NAALADL2: variants seen among roughly 807,000 people sequenced by gnomAD.
The protein encoded by NAALADL2 is N-acetylated alpha-linked acidic dipeptidase like 2.
In NAALADL2, 76 loss-of-function variants were observed where a neutral mutation model predicts 87.2. The observed-to-expected ratio is 0.87, with a 90% CI of 0.72 to 1.05. NAALADL2 has a LOEUF of 1.05. Among genes scored for constraint, NAALADL2 ranks in the 50% least tolerant of loss-of-function variants. NAALADL2 has a pLI of 0.00. For missense variants in NAALADL2, 1,089 were observed against 945.8 expected (o/e 1.15, Z -1.99); for synonymous variants, 354 against 331.0 (o/e 1.07, Z -0.75).
intron 3 of NAALADL2, among the ~76,000 whole-genome samples, chr3:174,845,249 C>A (rs1299688714): frequency 6.6e-6 from 1 of 152,132 alleles, no homozygotes; most frequent in Admixed American, 6.5e-5. Flanking sequence ...TGCTGGCAGG[C>A]AAATGAGAGC....
chr3:175,048,281 C>T (rs1754921730), intron 1 of NAALADL2, among the ~76,000 whole-genome samples: 1 of 151,876 alleles, frequency 6.6e-6, no homozygotes, highest in Non-Finnish European at 1.5e-5. Context: ...CAAGTTTATA[C>T]CTATTGTGGA....
chr3:175,511,586 T>C (rs1456514977), intron 9 of NAALADL2, among the ~76,000 whole-genome samples: 1 of 152,196 alleles, frequency 6.6e-6, no homozygotes. Flanking sequence ...TACATTTCTG[T>C]TGTTTAAGCC....
At chr3:175,075,517 A>T (rs1178285591) in intron 1 of NAALADL2, among the ~76,000 whole-genome samples, 1 of 152,166 alleles carries the variant, frequency 6.6e-6, no homozygotes, top group East Asian at 1.9e-4. Context: ...ATAGTGATGC[A>T]ATTTTCATTA....
intron 2 of NAALADL2, among the ~76,000 whole-genome samples, chr3:174,591,060 G>C (rs1717310203): frequency 6.6e-6 from 1 of 152,202 alleles, no homozygotes; most frequent in African/African-American, 2.4e-5. Flanking sequence ...TTCAAGAGGG[G>C]ACCCCCTGAT....
At chr3:174,456,214 C>A (rs193118390) in intron 1 of NAALADL2, among the ~76,000 whole-genome samples, 58 of 152,008 alleles carry the variant, frequency 3.8e-4, no homozygotes, top group African/African-American at 1.2e-3. Flanking sequence ...TCAGAGATGA[C>A]ACAAACAATA....
intron 3 of NAALADL2, among the ~76,000 whole-genome samples, chr3:174,816,575 A>T (rs1360044041): frequency 6.7e-6 from 1 of 149,720 alleles, no homozygotes; most frequent in East Asian, 1.9e-4. Context: ...CATATATATA[A>T]ATTATTACTT....
At chr3:174,703,438 A>C (rs1441016119) in intron 2 of NAALADL2, among the ~76,000 whole-genome samples, 1 of 152,078 alleles carries the variant, frequency 6.6e-6, no homozygotes, top group Non-Finnish European at 1.5e-5. Flanking sequence ...GAAGAGCAAG[A>C]AAATGCCGCG....
intron 6 of NAALADL2, among the ~76,000 whole-genome samples, chr3:175,459,261 A>T (rs553357063): frequency 2.0e-4 from 31 of 152,266 alleles, no homozygotes; most frequent in East Asian, 1.4e-3. Context: ...AAAACATTTT[A>T]AAAAATGAGA....
At chr3:174,536,389 G>GA (rs1721727274) in intron 1 of NAALADL2, among the ~76,000 whole-genome samples, 3 of 152,076 alleles carry the variant, frequency 2.0e-5, no homozygotes, top group Non-Finnish European at 4.4e-5. Flanking sequence ...CCTTCTTGTT[G>GA]GGTGAAAGTG....
intron 2 of NAALADL2, among the ~76,000 whole-genome samples, chr3:174,664,736 G>A (rs994371977): frequency 6.6e-6 from 1 of 152,194 alleles, no homozygotes; most frequent in Non-Finnish European, 1.5e-5. Flanking sequence ...TATTCTGGAA[G>A]TGCTGTGCTC....
At chr3:175,006,138 G>C (rs977133017) in intron 1 of NAALADL2, among the ~76,000 whole-genome samples, 1 of 152,046 alleles carries the variant, frequency 6.6e-6, no homozygotes, top group Non-Finnish European at 1.5e-5. Context: ...GACTAGGCCT[G>C]TTTGAGACCT....
chr3:174,617,911 C>T (rs1415027345), intron 2 of NAALADL2, among the ~76,000 whole-genome samples: 1 of 151,586 alleles, frequency 6.6e-6, no homozygotes, highest in Non-Finnish European at 1.5e-5. Flanking sequence ...GATGGGAATA[C>T]ATGGTATGTG....
intron 1 of NAALADL2, among the ~76,000 whole-genome samples, chr3:174,927,929 T>C (rs1215932469): frequency 6.6e-6 from 1 of 151,558 alleles, no homozygotes; most frequent in Non-Finnish European, 1.5e-5. Context: ...AGCTGTTTTT[T>C]TGAAGAGATC....
At chr3:174,521,078 C>A (rs1034932145) in intron 1 of NAALADL2, among the ~76,000 whole-genome samples, 7 of 152,110 alleles carry the variant, frequency 4.6e-5, no homozygotes, top group Non-Finnish European at 8.8e-5. Flanking sequence ...TAAATTAGTA[C>A]AACCTCTGTG....
At chr3:174,831,112 C>G (rs1158638548) in intron 3 of NAALADL2, among the ~76,000 whole-genome samples, 1 of 151,910 alleles carries the variant, frequency 6.6e-6, no homozygotes, top group Non-Finnish European at 1.5e-5. Flanking sequence ...CTTCTCCTGC[C>G]TAACTGCCCT....
At chr3:174,751,770 C>T (rs1166576634) in intron 3 of NAALADL2, among the ~76,000 whole-genome samples, 2 of 151,400 alleles carry the variant, frequency 1.3e-5, no homozygotes, top group Non-Finnish European at 2.9e-5. Flanking sequence ...CTTTCATGTA[C>T]GCTTACATTG....
chr3:174,890,459 G>A lies in NAALADL2; in HGVS notation c.43+31009G>A, dbSNP rs115700092. Among the ~76,000 whole-genome samples the A allele has an allele frequency of 3.9e-3, 590 of 152,178 alleles. 3 individuals carry two copies. The highest frequency in any genetic ancestry group is 7.1e-3 in the Non-Finnish European group (486 of 67,994). Reference sequence around the variant, plus strand: ...CTGTATAAAAGAAATATTTTGATTGGGGAAGCTAAATAATTAACTGTTGAG... The same window carrying A: ...CTGTATAAAAGAAATATTTTGATTGAGGAAGCTAAATAATTAACTGTTGAG... On this transcript the variant is annotated intron_variant, in intron 1 of 13. Coordinates refer to ENST00000454872, the MANE Select transcript of NAALADL2 (RefSeq NM_207015.3).
Position 174,955,967 on chromosome 3 carries a change from T to C in NAALADL2, c.43+96517T>C, listed in dbSNP as rs1377757820. 2.6e-5 allele frequency among the ~76,000 whole-genome samples: 4 copies of C among 152,182 alleles called. No individual in the cohort carries two copies. In the East Asian group the frequency reaches 7.7e-4, roughly 29 times the overall value. ...GGGTGTTGGTGCCAATCTTATTGGATTGGTTTAAATACTCTCTTTTGTAAT... is the reference window on the plus strand; with the variant it reads ...GGGTGTTGGTGCCAATCTTATTGGACTGGTTTAAATACTCTCTTTTGTAAT... On this transcript the variant is annotated intron_variant, in intron 1 of 13. Coordinates refer to ENST00000454872, the MANE Select transcript of NAALADL2 (RefSeq NM_207015.3).
At chr3:175,617,120 A>G (rs1725452279) in intron 10 of NAALADL2, among the ~76,000 whole-genome samples, 2 of 152,226 alleles carry the variant, frequency 1.3e-5, no homozygotes, top group Non-Finnish European at 2.9e-5. Context: ...AGGTCTCCTC[A>G]ACTACAACTA....
Sources: allele counts gnomAD v4.1 joint callset (sites outside exome capture counted in the v4.1 genomes callset), GRCh38; gene constraint gnomAD v4.1.1; transcripts MANE v1.5; gene names NCBI Gene and HGNC (gene_info 2026-07-23, HGNC 2026-07-21).